The following SV2C variants were observed in gnomAD, a reference collection of about 807,000 sequenced individuals.
SV2C encodes synaptic vesicle glycoprotein 2C.
Under a neutral mutation model 79.7 loss-of-function variants are expected in SV2C, and 49 were observed. The ratio of observed to expected loss-of-function variants is 0.61; its 90% confidence interval spans 0.49 to 0.78. The LOEUF is 0.78. SV2C is among the 30% of genes least tolerant of loss of function. The probability of loss-of-function intolerance (pLI) is 0.00; values close to 1 mark genes in which losing one functional copy is unlikely to be tolerated. For missense variants in SV2C, 833 were observed against 912.9 expected (o/e 0.91, Z 1.13); for synonymous variants, 334 against 333.2 (o/e 1.00, Z -0.03).
At chr5:75,905,349 T>A in the SV2C span, among the ~76,000 whole-genome samples, 1 of 152,080 alleles carries the variant, frequency 6.6e-6, no homozygotes, top group African/African-American at 2.4e-5. Flanking sequence ...CTTGCTGGAG[T>A]CTTTGAACTT....
the SV2C span, among the ~76,000 whole-genome samples, chr5:75,961,049 T>A: frequency 6.6e-6 from 1 of 152,008 alleles, no homozygotes; most frequent in South Asian, 2.1e-4. Context: ...GAAGCCCATA[T>A]GCCACGTATC....
At chr5:76,127,125 G>A (rs1377563449) in intron 1 of SV2C, among the ~76,000 whole-genome samples, 9 of 152,156 alleles carry the variant, frequency 5.9e-5, no homozygotes, top group East Asian at 1.9e-4. Context: ...TGGGGGAGGC[G>A]GAGCTATCCA....
At chr5:75,913,908 T>G in the SV2C span, among the ~76,000 whole-genome samples, 1 of 152,236 alleles carries the variant, frequency 6.6e-6, no homozygotes, top group Middle Eastern at 3.4e-3. Flanking sequence ...ATATTTTTAT[T>G]GTGATAAAGA....
intron 2 of SV2C, among the ~76,000 whole-genome samples, chr5:76,182,940 TGAGAGA>T (rs57093673): frequency 1.7e-4 from 25 of 145,332 alleles, no homozygotes; most frequent in African/African-American, 5.9e-4. Context: ...TGTGTGTATG[TGAGAGA>T]GAGAGAGAGA....
intron 4 of SV2C, among the ~76,000 whole-genome samples, chr5:76,269,469 G>A (rs1019961177): frequency 4.6e-5 from 7 of 152,188 alleles, no homozygotes. Context: ...CAAGATCGTT[G>A]ATGTACGAAA....
chr5:76,325,093 T>A (rs1008517990), intron 12 of SV2C, among the ~76,000 whole-genome samples: 1 of 152,146 alleles, frequency 6.6e-6, no homozygotes, highest in Non-Finnish European at 1.5e-5. Context: ...TCCCTACAAT[T>A]TTTTCTCTCT....
chr5:76,082,643 C>A (rs900691853), upstream of SV2C, among the ~76,000 whole-genome samples: 2 of 142,792 alleles, frequency 1.4e-5, no homozygotes, highest in African/African-American at 2.5e-5. Flanking sequence ...CACCCCCCCC[C>A]CCTCATATTT....
chr5:76,108,817 A>C (rs953870411), intron 1 of SV2C, among the ~76,000 whole-genome samples: 11 of 152,182 alleles, frequency 7.2e-5, no homozygotes, highest in Non-Finnish European at 1.6e-4. Context: ...AACTGTGGTG[A>C]AAAAAATATA....
chr5:76,167,117 G>A (rs913944288), intron 2 of SV2C, among the ~76,000 whole-genome samples: 4 of 152,154 alleles, frequency 2.6e-5, no homozygotes, highest in East Asian at 3.8e-4. Flanking sequence ...TCATGCTACC[G>A]GAAAGGAGAA....
chr5:76,166,204 C>T (rs1407825069), intron 2 of SV2C, among the ~76,000 whole-genome samples: 2 of 152,148 alleles, frequency 1.3e-5, no homozygotes, highest in Non-Finnish European at 2.9e-5. Context: ...CAAAGTAAAG[C>T]AAATTCCTAT....
the SV2C span, among the ~76,000 whole-genome samples, chr5:76,068,588 A>G: frequency 2.0e-5 from 3 of 152,102 alleles, no homozygotes; most frequent in South Asian, 6.2e-4. Flanking sequence ...AAAGTTTTCA[A>G]TGTCTTTGTA....
chr5:76,050,451 T>C, the SV2C span, among the ~76,000 whole-genome samples: 1 of 152,154 alleles, frequency 6.6e-6, no homozygotes, highest in Non-Finnish European at 1.5e-5. Flanking sequence ...CTGAACTAGA[T>C]AAAATGAGCC....
intron 8 of SV2C, among the ~76,000 whole-genome samples, chr5:76,294,908 A>G (rs1240900927): frequency 6.6e-6 from 1 of 152,208 alleles, no homozygotes; most frequent in East Asian, 1.9e-4. Flanking sequence ...TACCCCCAGG[A>G]TAGCAGTATC....
chr5:75,955,700 A>G, the SV2C span, among the ~76,000 whole-genome samples: 6 of 148,794 alleles, frequency 4.0e-5, no homozygotes, highest in African/African-American at 1.5e-4. Context: ...AATTTACAAG[A>G]AAAAAACAAA....
chr5:76,006,360 A>G, the SV2C span, among the ~76,000 whole-genome samples: 1 of 152,134 alleles, frequency 6.6e-6, no homozygotes, highest in East Asian at 1.9e-4. Context: ...TTTCAGAAAG[A>G]GATGCTATGT....
chr5:76,045,718 C>A, the SV2C span, among the ~76,000 whole-genome samples: 1 of 152,110 alleles, frequency 6.6e-6, no homozygotes, highest in Non-Finnish European at 1.5e-5. Flanking sequence ...TTATTTAAAT[C>A]TATTTTATTT....
intron 1 of SV2C, among the ~76,000 whole-genome samples, chr5:76,123,673 G>A (rs935313686): frequency 2.0e-5 from 3 of 152,050 alleles, no homozygotes; most frequent in South Asian, 2.1e-4. Context: ...GTTCAACAAC[G>A]CTTCATGTCA....
At chr5:75,910,564 C>T in the SV2C span, 8 of 680,112 alleles carry the variant, frequency 1.2e-5, no homozygotes, top group African/African-American at 1.2e-4. Flanking sequence ...ACTACTTCAC[C>T]CAGTTCAGTG....
chr5:75,922,021 G>C, the SV2C span, among the ~76,000 whole-genome samples: 1 of 151,952 alleles, frequency 6.6e-6, no homozygotes, highest in Non-Finnish European at 1.5e-5. Flanking sequence ...AGAGATCATC[G>C]AAAACTGAAT....
Sources: gnomAD v4.1 joint callset for allele counts (sites outside exome capture counted in the v4.1 genomes callset) on GRCh38, gnomAD v4.1.1 for gene constraint, MANE v1.5 for transcripts, NCBI Gene and HGNC (gene_info 2026-07-23, HGNC 2026-07-21) for gene names.